Variants in DNAAF4 observed in about 807,000 individuals in gnomAD.
DNAAF4 encodes the protein dynein axonemal assembly factor 4.
A neutral mutation model predicts 51.8 loss-of-function variants in DNAAF4; 43 were observed. The observed-to-expected ratio is 0.83, with a 90% confidence interval of 0.65 to 1.07. The LOEUF (loss-of-function observed/expected upper bound fraction) is 1.07, where lower values mean the gene tolerates loss of function less well. DNAAF4 is among the 50% of genes least tolerant of loss of function. The probability of loss-of-function intolerance (pLI) is 0.00; values close to 1 mark genes in which losing one functional copy is unlikely to be tolerated. For missense variants in DNAAF4, 581 were observed against 493.0 expected, an observed-to-expected ratio of 1.18 and a Z score of -1.69; for synonymous variants, 194 against 165.6, an observed-to-expected ratio of 1.17 and a Z score of -1.32.
intron 3 of DNAAF4, among the ~76,000 whole-genome samples, chr15:55,497,277 G>C (rs975771242): frequency 6.6e-6 from 1 of 152,006 alleles, no homozygotes; most frequent in Non-Finnish European, 1.5e-5. Flanking sequence ...TATAGACCCA[G>C]CTATTGAACC....
In DNAAF4 at chr15:55,447,877, G is replaced by GGAGAGGGGAGAGGT. The variant is rs1555415614; in HGVS notation, c.783+2344_783+2345insACCTCTCCCCTCTC. Among the ~76,000 whole-genome samples, 585 of 95,572 alleles carry GGAGAGGGGAGAGGT rather than the reference G, an allele frequency of 6.1e-3. 74 individuals are homozygous for GGAGAGGGGAGAGGT. The highest frequency in any genetic ancestry group is 9.1e-3 in the Non-Finnish European group (401 of 44,254). 62.7% of individuals were successfully genotyped at this position (95,572 alleles called of 152,430 possible). A position where few individuals can be genotyped will look rare whatever the true frequency, so the allele number is the denominator to read the frequency against. On this transcript the variant is annotated intron_variant, in intron 6 of 9. Transcript: ENST00000321149. ...GAGGGGAGAGGGGAGAGGGGAGAGG[G>GGAGAGGGGAGAGGT]GAGAGGGGAGCCCCTTTATTTCTTT...
At chr15:55,439,436 A>C in intron 7 of DNAAF4, 36 bp downstream of exon 7, 1 of 1,545,436 alleles carries the variant, frequency 6.5e-7, no homozygotes, top group Non-Finnish European at 8.9e-7. Flanking sequence ...GTCTTCATAC[A>C]TGATAAAGCT....
chr15:55,489,033 G>A (rs2058531925), intron 4 of DNAAF4, among the ~76,000 whole-genome samples: 1 of 151,636 alleles, frequency 6.6e-6, no homozygotes, highest in South Asian at 2.1e-4. Flanking sequence ...AGCTTGCAGT[G>A]AGCTGAGATT....
chr15:55,441,133 A>G (rs1055266060), intron 6 of DNAAF4, among the ~76,000 whole-genome samples: 22 of 151,562 alleles, frequency 1.5e-4, no homozygotes, highest in African/African-American at 4.4e-4. Flanking sequence ...GTGCAGTTGC[A>G]TGATCTCAGC....
At chr15:55,434,771 G>A in intron 8 of DNAAF4, 134 bp downstream of exon 8, 18 of 797,968 alleles carry the variant, frequency 2.3e-5, no homozygotes, top group South Asian at 1.6e-4. Context: ...AAAAAAAAAA[G>A]ATTCAATAAG....
chr15:55,493,891 G>T (rs1393816145), intron 3 of DNAAF4, among the ~76,000 whole-genome samples: 1 of 147,908 alleles, frequency 6.8e-6, no homozygotes, highest in Non-Finnish European at 1.5e-5. Context: ...TTTAATAGAG[G>T]TGAAGTCTCC....
Position 55,497,701 on chromosome 15 carries a change from A to C in DNAAF4, c.271+11T>G. 6.3e-7 allele frequency: 1 copy of C among 1,592,114 alleles called. No individual in the cohort carries two copies. Among genetic ancestry groups the C allele is most frequent in the Non-Finnish European group, 8.5e-7 (1 of 1,172,400 alleles). The stretch of plus-strand genomic sequence containing the variant: ...TACAACCAGATGAACATCTTTTAAT[A>C]AAGAACTTACCACCCGTCACAGAAA... On this transcript the variant is annotated intron_variant, in intron 3 of 9. Coordinates refer to ENST00000321149, the MANE Select transcript of DNAAF4 (RefSeq NM_130810.4).
At chr15:55,425,170 C>T (rs985085882) in intron 7 of DNAAF4, among the ~76,000 whole-genome samples, 38 of 152,314 alleles carry the variant, frequency 2.5e-4, no homozygotes, top group African/African-American at 9.1e-4. Context: ...CAGCCACATA[C>T]TTTGCTCTTA....
chr15:55,445,658 G>A lies in DNAAF4; in HGVS notation c.783+4564C>T, dbSNP rs551607917. 3.4e-3 allele frequency among the ~76,000 whole-genome samples: 517 copies of A among 150,616 alleles called. 1 individual carries two copies. Among genetic ancestry groups the A allele is most frequent in the Non-Finnish European group, 5.5e-3 (373 of 67,586 alleles). ...CAGAGGCACTCCTCACCTCCCAGAC[G>A]GGGTGGCCAGGCAGAGGCGCTCCTC... On this transcript the variant is annotated intron_variant, in intron 6 of 9. Coordinates refer to ENST00000321149, the MANE Select transcript of DNAAF4 (RefSeq NM_130810.4).
At chr15:55,499,192 G>A (rs191834655) in intron 1 of DNAAF4, among the ~76,000 whole-genome samples, 20 of 152,228 alleles carry the variant, frequency 1.3e-4, no homozygotes, top group Non-Finnish European at 4.4e-5. Context: ...CATCCAGAGC[G>A]GCTAACTGGG....
At chr15:55,440,372 G>T (rs1401340334) in intron 6 of DNAAF4, among the ~76,000 whole-genome samples, 1 of 147,654 alleles carries the variant, frequency 6.8e-6, no homozygotes, top group South Asian at 2.2e-4. Flanking sequence ...TTTTAATCTT[G>T]CAATATTTAT....
chr15:55,419,830 A>G (rs73406986), intron 7 of DNAAF4, among the ~76,000 whole-genome samples: 27,006 of 151,940 alleles, frequency 0.18, 4,141 homozygotes, highest in African/African-American at 0.42. Flanking sequence ...GTGAAACCCC[A>G]TCTCAACTAA....
At chr15:55,419,601 A>G (rs888141545) in intron 7 of DNAAF4, among the ~76,000 whole-genome samples, 6 of 152,178 alleles carry the variant, frequency 3.9e-5, no homozygotes, top group Non-Finnish European at 7.3e-5. Flanking sequence ...AGAACTTGTA[A>G]TTTATTGATA....
Position 55,491,285 on chromosome 15 carries a change from G to C in DNAAF4, c.272-29C>G, listed in dbSNP as rs1366857788. 15 of 1,583,308 alleles carry C rather than the reference G, an allele frequency of 9.5e-6. No individual in the cohort carries two copies. In the South Asian group the frequency reaches 1.6e-4, roughly 17 times the overall value. On this transcript the variant is annotated intron_variant, in intron 3 of 9. Transcript: ENST00000321149. ...AAATGTACAGAATATTGCTAAATTA[G>C]AATTATGACAAATTTGCTTTACTTA...
In DNAAF4 at chr15:55,430,632, A is replaced by C; in HGVS notation, c.*38T>G. The C allele has an allele frequency of 6.3e-7, 1 of 1,595,606 alleles. No individual in the cohort carries two copies. On this transcript the variant is annotated 3_prime_UTR_variant, in exon 10 of 10. Transcript: ENST00000321149. The stretch of plus-strand genomic sequence containing the variant: ...ACAAAGATGCCTCCAGTTGTTTTTA[A>C]AAAACTTATAACAATACTTAGTTAC...
Position 55,442,645 on chromosome 15 carries a change from T to G in DNAAF4, c.784-3064A>C, listed in dbSNP as rs565358436. 9.1e-6 allele frequency: 14 copies of G among 1,534,492 alleles called. No homozygotes were observed. The Admixed American group carries it at 2.2e-4, about 24-fold the overall frequency. On this transcript the variant is annotated intron_variant, in intron 6 of 9. Coordinates refer to ENST00000321149, the MANE Select transcript of DNAAF4 (RefSeq NM_130810.4). ...ACCAGCAGCTCTTTATGTCAGACTT[T>G]TAGCAGGATTCAGCTTTATAAGTAA...
chr15:55,463,835 A>ACAGAAATACATC (rs2058130197), intron 5 of DNAAF4, among the ~76,000 whole-genome samples: 1 of 152,228 alleles, frequency 6.6e-6, no homozygotes, highest in Non-Finnish European at 1.5e-5. Flanking sequence ...AATACATCCC[A>ACAGAAATACATC]TGCTCACAGA....
chr15:55,428,950 G>A (rs528190902), downstream of DNAAF4, among the ~76,000 whole-genome samples: 147 of 151,624 alleles, frequency 9.7e-4, no homozygotes, highest in Middle Eastern at 3.4e-3. Context: ...GGCCAGGCGC[G>A]GGGGGTCTTG....
At chr15:55,424,747 G>A (rs1243895067) in intron 7 of DNAAF4, among the ~76,000 whole-genome samples, 1 of 151,730 alleles carries the variant, frequency 6.6e-6, no homozygotes, top group Non-Finnish European at 1.5e-5. Context: ...ATTTTTAGTA[G>A]AGACAGGGTT....
Sources: gnomAD v4.1 joint callset for allele counts (sites outside exome capture counted in the v4.1 genomes callset) on GRCh38, gnomAD v4.1.1 for gene constraint, MANE v1.5 for transcripts, NCBI Gene and HGNC (gene_info 2026-07-23, HGNC 2026-07-21) for gene names.